Variants in SIN3A observed in about 807,000 individuals in gnomAD.
The protein encoded by SIN3A is SIN3 transcription regulator family member A, also known as paired amphipathic helix protein Sin3a.
A neutral mutation model predicts 146.1 loss-of-function variants in SIN3A; 14 were observed. The observed-to-expected ratio is 0.10, with a 90% CI of 0.06 to 0.15. The LOEUF (loss-of-function observed/expected upper bound fraction) is 0.15. SIN3A is among the 10% of genes least tolerant of loss of function. The pLI, the probability that SIN3A is intolerant of heterozygous loss-of-function variation, is 1.00. For synonymous variants in SIN3A, 572 were observed against 572.0 expected, an observed-to-expected ratio of 1.00 and a Z score of 0.00; for missense variants, 1,028 against 1,576.0, an observed-to-expected ratio of 0.65 and a Z score of 5.89.
rs562566084 is a variant in SIN3A, at chr15:75,442,323, TTTGA to T, written c.-34+9096_-34+9099del. Among the ~76,000 whole-genome samples, 182 of 151,004 alleles carry T rather than the reference TTTGA, an allele frequency of 1.2e-3. 3 individuals carry two copies. Among genetic ancestry groups the T allele is most frequent in the Admixed American group, 8.8e-3 (133 of 15,136 alleles). On this transcript the variant is annotated intron_variant, in intron 1 of 20. Coordinates refer to ENST00000394947, the MANE Select transcript of SIN3A (RefSeq NM_001145358.2). ...CATCTTTTTGGCAAAGTGCAGTGGT[TTTGA>T]TTGTTTTTTTTTTTCATTTCTTAAA...
At chr15:75,421,288 A>C (rs2073836786) in intron 3 of SIN3A, 2 of 152,216 alleles carry the variant, frequency 1.3e-5, no homozygotes. Flanking sequence ...TCTACAACAG[A>C]CTGAAAATGT....
Position 75,412,997 on chromosome 15 carries a change from G to A in SIN3A, c.522C>T (p.Gly174=). 1 of 1,614,016 alleles carries A rather than the reference G, an allele frequency of 6.2e-7. No individual in the cohort carries two copies. The highest frequency in any genetic ancestry group is 1.1e-5 in the South Asian group (1 of 91,050). Reference sequence around the variant, plus strand: ...TGAATCCCATTATCAGATCGGGGTGGCCTTTGAATAGCTGGGACACACGAC... The same window carrying A: ...TGAATCCCATTATCAGATCGGGGTGACCTTTGAATAGCTGGGACACACGAC... ...VISRVSQLFK[G]HPDLIMGFNT... Residue 174 remains glycine (G), a synonymous_variant, in exon 5 of 21, where the codon GGC becomes GGT. Coordinates refer to ENST00000394947, the MANE Select transcript of SIN3A (RefSeq NM_001145358.2).
Position 75,394,672 on chromosome 15 carries a change from C to A in SIN3A, c.2277+8G>T, listed in dbSNP as rs1595896211. ...GTCCTCTCACAGATGCAGAAACCCC[C>A]CGCTCACCTCATCATAGATACTCTC... On this transcript the variant is annotated splice_region_variant and intron_variant, in intron 14 of 20. Transcript: ENST00000394947. The A allele has an allele frequency of 3.1e-6, 5 of 1,600,984 alleles. No individual in the cohort carries two copies. The East Asian group carries it at 9.0e-5, about 29-fold the overall frequency.
At chr15:75,374,840 A>T (rs920720540) in intron 20 of SIN3A, among the ~76,000 whole-genome samples, 2 of 152,188 alleles carry the variant, frequency 1.3e-5, no homozygotes, top group Non-Finnish European at 2.9e-5. Flanking sequence ...CAAGGCCTGT[A>T]TGCTAGTTAC....
chr15:75,446,698 C>A (rs2074313659), intron 1 of SIN3A, among the ~76,000 whole-genome samples: 1 of 151,918 alleles, frequency 6.6e-6, no homozygotes, highest in Non-Finnish European at 1.5e-5. Flanking sequence ...TGTTATGATG[C>A]CCAAGCTGGT....
chr15:75,392,504 C>T lies in SIN3A; in HGVS notation c.2589G>A (p.Lys863=). The T allele has an allele frequency of 6.2e-7, 1 of 1,614,190 alleles. No homozygotes were observed. Among genetic ancestry groups the T allele is most frequent in the Non-Finnish European group, 8.5e-7 (1 of 1,180,034 alleles). The change falls in exon 15 of 21, where the codon AAG becomes AAA. Residue 863 remains lysine, a synonymous_variant. Transcript: ENST00000394947. The part of the protein sequence containing the change: ...KHNGVGGSPP[K]SKLLFSNTAA... ...CTGTGTTACTAAACAGTAACTTGGA[C>T]TTAGGGGGACTGCCCCCAACACCAT...
At chr15:75,445,528 A>G (rs1313561567) in intron 1 of SIN3A, among the ~76,000 whole-genome samples, 1 of 151,480 alleles carries the variant, frequency 6.6e-6, no homozygotes, top group East Asian at 1.9e-4. Context: ...CCGAGATTGC[A>G]CCACTGCACT....
intron 15 of SIN3A, among the ~76,000 whole-genome samples, chr15:75,391,770 T>C (rs746349455): frequency 1.4e-4 from 21 of 152,228 alleles, no homozygotes; most frequent in Non-Finnish European, 2.2e-4. Context: ...TCCAGTCTCC[T>C]TTCCATAAAC....
In SIN3A at chr15:75,392,844, T is replaced by C. The variant is rs139421242; in HGVS notation, c.2278-29A>G. 3.1e-4 allele frequency: 460 copies of C among 1,505,798 alleles called. 4 individuals are homozygous for C. In the East Asian group the frequency reaches 0.01, roughly 33 times the overall value. 93.3% of individuals were successfully genotyped at this position (1,505,798 alleles called of 1,614,324 possible). Reference sequence around the variant, plus strand: ...ATGGGACAGAGACACAAAAGTATTCTGTGAGATGTCTACAGCGACAACATG... The same window carrying C: ...ATGGGACAGAGACACAAAAGTATTCCGTGAGATGTCTACAGCGACAACATG... On this transcript the variant is annotated intron_variant, in intron 14 of 20. Coordinates refer to ENST00000394947, the MANE Select transcript of SIN3A (RefSeq NM_001145358.2).
At chr15:75,400,002 C>T in intron 12 of SIN3A, 38 bp downstream of exon 12, 2 of 1,133,626 alleles carry the variant, frequency 1.8e-6, no homozygotes, top group East Asian at 2.3e-5. Context: ...TGAGCATCTC[C>T]CATTTCCCCC....
At chr15:75,378,206 G>C (rs909735743) in intron 19 of SIN3A, among the ~76,000 whole-genome samples, 1 of 152,156 alleles carries the variant, frequency 6.6e-6, no homozygotes, top group Non-Finnish European at 1.5e-5. Flanking sequence ...ATAAATCAAT[G>C]GATTTTTACA....
intron 12 of SIN3A, among the ~76,000 whole-genome samples, chr15:75,396,703 C>A (rs921795967): frequency 1.3e-5 from 2 of 152,158 alleles, no homozygotes; most frequent in Admixed American, 1.3e-4. Context: ...TTAAATGATA[C>A]AATCCACATA....
At chr15:75,385,436 T>C (rs996732670) in intron 16 of SIN3A, among the ~76,000 whole-genome samples, 5 of 152,222 alleles carry the variant, frequency 3.3e-5, no homozygotes, top group African/African-American at 1.2e-4. Context: ...AGGCCAATCA[T>C]GATTGACTAT....
At chr15:75,376,673 A>G (rs1358838957) in intron 19 of SIN3A, among the ~76,000 whole-genome samples, 1 of 147,442 alleles carries the variant, frequency 6.8e-6, no homozygotes, top group Non-Finnish European at 1.5e-5. Context: ...CCTGGGCAAC[A>G]TGGCAAAAAC....
intron 1 of SIN3A, among the ~76,000 whole-genome samples, chr15:75,436,075 A>AG (rs1364483855): frequency 6.6e-6 from 1 of 151,426 alleles, no homozygotes; most frequent in Non-Finnish European, 1.5e-5. Context: ...GCAAGGTTGT[A>AG]GTGAGCAGTG....
chr15:75,377,415 A>C (rs997426989), intron 19 of SIN3A, among the ~76,000 whole-genome samples: 2 of 152,128 alleles, frequency 1.3e-5, no homozygotes, highest in Non-Finnish European at 2.9e-5. Flanking sequence ...ACTTGAGGTC[A>C]GGAGTTTGAG....
At chr15:75,431,634 T>TGAAATACG (rs1422711223) in intron 1 of SIN3A, among the ~76,000 whole-genome samples, 2 of 145,896 alleles carry the variant, frequency 1.4e-5, no homozygotes, top group Non-Finnish European at 3.0e-5. Flanking sequence ...CCCCCTCATC[T>TGAAATACG]GAAATACGGT....
chr15:75,406,205 C>A (rs1250708271), intron 9 of SIN3A, among the ~76,000 whole-genome samples: 2 of 152,190 alleles, frequency 1.3e-5, no homozygotes, highest in Non-Finnish European at 2.9e-5. Context: ...CAAGTTGACT[C>A]CGAGGAGCAA....
At chr15:75,426,286 A>T (rs542044372) in intron 2 of SIN3A, among the ~76,000 whole-genome samples, 38 of 152,342 alleles carry the variant, frequency 2.5e-4, no homozygotes, top group African/African-American at 9.1e-4. Context: ...GGAAGGGATT[A>T]GACAGCCTCA....
Sources: gnomAD v4.1 joint callset for allele counts (sites outside exome capture counted in the v4.1 genomes callset) on GRCh38, gnomAD v4.1.1 for gene constraint, MANE v1.5 for transcripts, NCBI Gene and HGNC (gene_info 2026-07-23, HGNC 2026-07-21) for gene names.